The following NTRK3 variants were observed in gnomAD, a reference collection of about 807,000 sequenced individuals.
NTRK3 encodes the protein neurotrophic receptor tyrosine kinase 3.
NTRK3 carries 24 observed loss-of-function variants against 91.7 expected under a neutral mutation model. That is an observed-to-expected ratio of 0.26 (90% CI 0.19 to 0.37). The LOEUF is 0.37. NTRK3 is among the 10% of genes least tolerant of loss of function. The pLI is 1.00. For synonymous variants in NTRK3, 483 were observed against 404.0 expected (o/e 1.20, Z -2.34); for missense variants, 880 against 1,068.9 (o/e 0.82, Z 2.46).
intron 13 of NTRK3, chr15:88,098,973 T>C (rs1214046233): frequency 2.6e-5 from 6 of 232,392 alleles, no homozygotes; most frequent in African/African-American, 1.3e-4. Flanking sequence ...TTAAATTTTT[T>C]GCCCAAAGCG....
At chr15:88,033,176 T>TATATATATATATATATATA (rs1491166187) in intron 13 of NTRK3, 131 bp from the exon 14 acceptor site, 2 of 192,386 alleles carry the variant, frequency 1.0e-5, no homozygotes, top group Admixed American at 6.8e-5. Context: ...GGGGGGTGTG[T>TATATATATATATATATATA]TATATATATA....
At chr15:88,066,574 C>T (rs2046668474) in intron 13 of NTRK3, among the ~76,000 whole-genome samples, 1 of 152,182 alleles carries the variant, frequency 6.6e-6, no homozygotes, top group Non-Finnish European at 1.5e-5. Context: ...TCCCAGCAGC[C>T]TCCTGGATGG....
At chr15:88,136,502 T>C (rs746825531) in exon 8 of NTRK3, 12 of 1,614,114 alleles carry the variant, frequency 7.4e-6, no homozygotes, top group South Asian at 1.1e-5. Context: ...CCAGTGACTA[T>C]CCAGTCCACA....
chr15:88,168,404 C>A (rs895496036), intron 5 of NTRK3, among the ~76,000 whole-genome samples: 2 of 152,140 alleles, frequency 1.3e-5, no homozygotes, highest in Admixed American at 6.6e-5. Context: ...AGAAAGAAAG[C>A]TGCTGGGGAT....
chr15:87,869,281 G>A, exon 19 of NTRK3: 1 of 230,760 alleles, frequency 4.3e-6, no homozygotes, highest in Non-Finnish European at 8.6e-6. Flanking sequence ...TCAGTGGGGA[G>A]AGGAGGGTTG....
chr15:88,145,742 A>T (rs1441626513), intron 6 of NTRK3, among the ~76,000 whole-genome samples: 1 of 152,186 alleles, frequency 6.6e-6, no homozygotes, highest in Non-Finnish European at 1.5e-5. Context: ...GCCTCCTGAG[A>T]TGAAGGGACT....
At chr15:88,113,981 C>T (rs1157078874) in intron 13 of NTRK3, among the ~76,000 whole-genome samples, 1 of 152,012 alleles carries the variant, frequency 6.6e-6, no homozygotes, top group Admixed American at 6.6e-5. Flanking sequence ...TAGATGTGAC[C>T]CAGGAATCTG....
chr15:88,011,356 A>G (rs1009980222), intron 14 of NTRK3, among the ~76,000 whole-genome samples: 1 of 152,244 alleles, frequency 6.6e-6, no homozygotes, highest in African/African-American at 2.4e-5. Context: ...TCTGGGAATG[A>G]ATGAGAATGT....
At chr15:87,966,767 TG>T (rs1465815594) in intron 14 of NTRK3, among the ~76,000 whole-genome samples, 2 of 152,122 alleles carry the variant, frequency 1.3e-5, no homozygotes, top group African/African-American at 4.8e-5. Flanking sequence ...AGGCTCCAGA[TG>T]GTCCCTTCTC....
At chr15:87,911,665 C>G (rs1046057226) in intron 17 of NTRK3, among the ~76,000 whole-genome samples, 7 of 152,148 alleles carry the variant, frequency 4.6e-5, no homozygotes, top group Admixed American at 2.6e-4. Flanking sequence ...TGGAGGACAA[C>G]CCTTGCATAC....
exon 2 of NTRK3, chr15:88,256,296 G>A: frequency 1.5e-6 from 1 of 680,742 alleles, no homozygotes; most frequent in Admixed American, 2.0e-5. Flanking sequence ...TTGAAACGCC[G>A]AGCGATCAGA....
intron 3 of NTRK3, among the ~76,000 whole-genome samples, chr15:88,229,333 G>A (rs1454919389): frequency 6.6e-6 from 1 of 152,142 alleles, no homozygotes. Flanking sequence ...ATGAGCAGGA[G>A]AACTAGGATC....
rs1486647903 is a variant in NTRK3, at chr15:87,933,259, C to T, written c.1717-75G>A. Reference sequence around the variant, plus strand: ...TGTCTTTTCTACTCCTGGAAAGAAACTGGCCCCACACACCACTGGGTTACC... The same window carrying T: ...TGTCTTTTCTACTCCTGGAAAGAAATTGGCCCCACACACCACTGGGTTACC... On this transcript the variant is annotated intron_variant, in intron 15 of 18. Transcript: ENST00000394480. 9.7e-6 allele frequency: 14 copies of T among 1,441,544 alleles called. No individual in the cohort carries two copies. The Admixed American group carries it at 1.6e-4, about 16-fold the overall frequency. 89.3% of individuals were successfully genotyped at this position (1,441,544 alleles called of 1,614,324 possible). A position where few individuals can be genotyped will look rare whatever the true frequency, so the allele number is the denominator to read the frequency against.
At chr15:88,194,480 T>C (rs1456700634) in intron 3 of NTRK3, among the ~76,000 whole-genome samples, 1 of 152,244 alleles carries the variant, frequency 6.6e-6, no homozygotes, top group Admixed American at 6.5e-5. Flanking sequence ...ACTGGTATCA[T>C]GGAGTTGTCC....
chr15:87,907,498 T>C (rs918832480), intron 17 of NTRK3, among the ~76,000 whole-genome samples: 1 of 152,154 alleles, frequency 6.6e-6, no homozygotes, highest in Non-Finnish European at 1.5e-5. Flanking sequence ...TTCCTTCCCA[T>C]GCACCTGCCC....
chr15:88,024,181 A>G (rs1007774885), intron 14 of NTRK3, among the ~76,000 whole-genome samples: 14 of 152,220 alleles, frequency 9.2e-5, no homozygotes, highest in Non-Finnish European at 1.8e-4. Flanking sequence ...AGGAGGAGAT[A>G]AGCCGCTTGC....
chr15:88,036,587 G>C (rs143960853), intron 13 of NTRK3, among the ~76,000 whole-genome samples: 48 of 152,334 alleles, frequency 3.2e-4, no homozygotes, highest in African/African-American at 1.1e-3. Flanking sequence ...TAGTATCATA[G>C]AGAGGCAGTC....
At chr15:87,901,765 G>A (rs931703639) in intron 17 of NTRK3, among the ~76,000 whole-genome samples, 1 of 129,702 alleles carries the variant, frequency 7.7e-6, no homozygotes, top group African/African-American at 3.7e-5. Flanking sequence ...AAGTTGGGGA[G>A]GGGGGGAGAG....
chr15:88,092,324 C>T lies in NTRK3; in HGVS notation c.1396+33947G>A, dbSNP rs140765883. ...CATCATCAAGGCTCCGACTGCATGGCCACAAAAGTCAGGCCCTATTATCAG... is the reference window on the plus strand; with the variant it reads ...CATCATCAAGGCTCCGACTGCATGGTCACAAAAGTCAGGCCCTATTATCAG... On this transcript the variant is annotated intron_variant, in intron 13 of 18. Transcript: ENST00000394480. Among the ~76,000 whole-genome samples, 54 of 152,330 alleles carry T rather than the reference C, an allele frequency of 3.5e-4. 1 individual carries two copies. Among genetic ancestry groups the T allele is most frequent in the Admixed American group, 1.7e-3 (26 of 15,302 alleles).
Sources: gnomAD v4.1 joint callset for allele counts (sites outside exome capture counted in the v4.1 genomes callset) on GRCh38, gnomAD v4.1.1 for gene constraint, MANE v1.5 for transcripts, NCBI Gene and HGNC (gene_info 2026-07-23, HGNC 2026-07-21) for gene names.